UNC13B: variants seen among roughly 807,000 people sequenced by gnomAD.
UNC13B encodes the protein unc-13 homolog B, also known as protein unc-13 homolog B.
A neutral mutation model predicts 211.0 loss-of-function variants in UNC13B; 144 were observed. The ratio of observed to expected loss-of-function variants is 0.68; its 90% confidence interval spans 0.60 to 0.78. The LOEUF (loss-of-function observed/expected upper bound fraction) is 0.78. Ranked by LOEUF, UNC13B falls within the 30% of genes least tolerant of loss-of-function variation. UNC13B has a pLI of 0.00. For missense variants in UNC13B, 1,777 were observed against 2,002.0 expected, an observed-to-expected ratio of 0.89 and a Z score of 2.14; for synonymous variants, 709 against 725.8, an observed-to-expected ratio of 0.98 and a Z score of 0.37.
At position 35,243,310 on chromosome 9, in the gene UNC13B, C is replaced by T. The variant is rs1825908281; in HGVS notation, c.414C>T (p.Ala138=). Reference sequence around the variant, plus strand: ...TGGTAGATATCCCAGAGGAGGAAGCCAGATATTGGACCTACAAATGGGAGC... The same window carrying T: ...TGGTAGATATCCCAGAGGAGGAAGCTAGATATTGGACCTACAAATGGGAGC... ...ELPFDIPEEE[A]RYWTYKWEQI... is the part of the protein sequence containing the mutation. The change falls in exon 6 of 40, where the codon GCC becomes GCT. Residue 138 remains alanine, a synonymous_variant. Transcript: ENST00000635942. 1.2e-6 allele frequency: 2 copies of T among 1,613,266 alleles called. No homozygotes were observed. Among genetic ancestry groups the T allele is most frequent in the Non-Finnish European group, 1.7e-6 (2 of 1,179,548 alleles).
rs918453462 is a variant in UNC13B, at chr9:35,381,277, A to G, written c.10491+62A>G. ...AGTGCTGGGAGAGGCCTTTGGCCATAAGTAGGATTGCTAGGTGGTTGGAAT... is the reference window on the plus strand; with the variant it reads ...AGTGCTGGGAGAGGCCTTTGGCCATGAGTAGGATTGCTAGGTGGTTGGAAT... On this transcript the variant is annotated intron_variant, in intron 19 of 39. Transcript: ENST00000635942. The G allele has an allele frequency of 4.9e-6, 7 of 1,430,104 alleles. No homozygotes were observed. The Admixed American group carries it at 1.4e-4, about 29-fold the overall frequency. The allele number at this position is 1,430,104 out of a possible 1,614,324, so 88.6% of individuals were successfully genotyped here.
At chr9:35,178,174 G>A (rs1364198787) in intron 1 of UNC13B, among the ~76,000 whole-genome samples, 1 of 152,150 alleles carries the variant, frequency 6.6e-6, no homozygotes. Flanking sequence ...ACTATAAGAT[G>A]CCATAGATTG....
At chr9:35,178,484 A>C (rs1227701696) in intron 1 of UNC13B, among the ~76,000 whole-genome samples, 1 of 151,728 alleles carries the variant, frequency 6.6e-6, no homozygotes, top group Non-Finnish European at 1.5e-5. Flanking sequence ...GGACAGAGTG[A>C]GACCCTGTTT....
At chr9:35,281,717 C>T (rs111293555) in intron 7 of UNC13B, among the ~76,000 whole-genome samples, 10 of 152,258 alleles carry the variant, frequency 6.6e-5, no homozygotes, top group African/African-American at 1.2e-4. Context: ...AGAATAGTTA[C>T]GCTGCCCTAA....
At chr9:35,174,342 G>A (rs915503494) in intron 1 of UNC13B, among the ~76,000 whole-genome samples, 2 of 149,686 alleles carry the variant, frequency 1.3e-5, no homozygotes, top group Non-Finnish European at 3.0e-5. Flanking sequence ...TTTTTTTGTC[G>A]GGGGGCAGGG....
intron 3 of UNC13B, among the ~76,000 whole-genome samples, chr9:35,232,177 CTTTTTTTTTTT>C (rs547048403): frequency 3.2e-5 from 1 of 31,536 alleles, no homozygotes; most frequent in Non-Finnish European, 5.9e-5. Context: ...TATATTGCTG[CTTTTTTTTTTT>C]TTTTTTTTTT....
chr9:35,313,666 A>AAATC (rs66568847), intron 10 of UNC13B, among the ~76,000 whole-genome samples: 128 of 141,532 alleles, frequency 9.0e-4, no homozygotes, highest in African/African-American at 3.5e-3. Flanking sequence ...ATAAATAAAT[A>AAATC]AATAAATAAA....
At chr9:35,215,257 G>T (rs904577915) in intron 1 of UNC13B, among the ~76,000 whole-genome samples, 1 of 151,990 alleles carries the variant, frequency 6.6e-6, no homozygotes, top group African/African-American at 2.4e-5. Context: ...TAAAAAATTA[G>T]CTAGGTGTGG....
chr9:35,222,604 A>G (rs1047368838), intron 1 of UNC13B, among the ~76,000 whole-genome samples: 14 of 152,226 alleles, frequency 9.2e-5, no homozygotes, highest in Admixed American at 9.2e-4. Context: ...GTACGTATTT[A>G]TGAGGTACAT....
chr9:35,190,318 A>T (rs1392677251), intron 1 of UNC13B, among the ~76,000 whole-genome samples: 1 of 152,164 alleles, frequency 6.6e-6, no homozygotes, highest in Non-Finnish European at 1.5e-5. Context: ...TCTGACTCAA[A>T]TGTGCAGAGT....
Position 35,231,036 on chromosome 9 carries a change from A to G in UNC13B, c.53-84A>G, listed in dbSNP as rs561084335. ...CTGCACATGTAATACTTTAATTTCT[A>G]TATTGCTTAATTCCAAGGGCTTTGT... On this transcript the variant is annotated intron_variant, in intron 2 of 39. Transcript: ENST00000635942. The G allele has an allele frequency of 6.5e-5, 56 of 856,034 alleles. No homozygotes were observed. The Admixed American group carries it at 8.5e-4, about 13-fold the overall frequency. 53.0% of individuals were successfully genotyped at this position (856,034 alleles called of 1,614,324 possible). A position where few individuals can be genotyped will look rare whatever the true frequency, so the allele number is the denominator to read the frequency against.
chr9:35,290,949 G>C lies in UNC13B; in HGVS notation c.527-4747G>C, dbSNP rs377503018. On this transcript the variant is annotated intron_variant, in intron 7 of 39. Coordinates refer to ENST00000635942, the MANE Select transcript of UNC13B (RefSeq NM_001371189.2). ...GTTATGTAAAGTTAGTAGAATACAA[G>C]TGAGGTAGGCTTAAGTAAGGTAAGG... 95 of 918,472 alleles carry C rather than the reference G, an allele frequency of 1.0e-4. No homozygotes were observed. The South Asian group carries it at 1.4e-3, about 13-fold the overall frequency. The allele number at this position is 918,472 out of a possible 1,614,324, so 56.9% of individuals were successfully genotyped here.
At chr9:35,177,917 G>T (rs1220685385) in intron 1 of UNC13B, among the ~76,000 whole-genome samples, 1 of 152,174 alleles carries the variant, frequency 6.6e-6, no homozygotes, top group Non-Finnish European at 1.5e-5. Flanking sequence ...TTTCCATTAT[G>T]GTGTCACTCA....
chr9:35,311,793 C>T (rs1830191890), intron 10 of UNC13B, among the ~76,000 whole-genome samples: 1 of 152,132 alleles, frequency 6.6e-6, no homozygotes, highest in African/African-American at 2.4e-5. Flanking sequence ...CCTCAGCCTC[C>T]TCAGGGCCTA....
intron 11 of UNC13B, among the ~76,000 whole-genome samples, chr9:35,321,806 G>T (rs1830751334): frequency 6.6e-6 from 1 of 151,882 alleles, no homozygotes; most frequent in Non-Finnish European, 1.5e-5. Flanking sequence ...CGGCTTCAGG[G>T]GTATATATAT....
At chr9:35,360,370 T>A (rs905011418) in intron 11 of UNC13B, among the ~76,000 whole-genome samples, 1 of 152,256 alleles carries the variant, frequency 6.6e-6, no homozygotes, top group African/African-American at 2.4e-5. Context: ...ACCTCTCTGA[T>A]CTTCAATTTA....
intron 23 of UNC13B, 98 bp downstream of exon 23, chr9:35,385,911 A>T: frequency 6.7e-7 from 1 of 1,484,418 alleles, no homozygotes; most frequent in East Asian, 2.3e-5. Context: ...AGGCTACAGG[A>T]TTCATCACCT....
At position 35,295,826 on chromosome 9, in the gene UNC13B, G is replaced by T; in HGVS notation, c.657G>T (p.Pro219=). 2 of 1,614,056 alleles carry T rather than the reference G, an allele frequency of 1.2e-6. No homozygotes were observed. Among genetic ancestry groups the T allele is most frequent in the Non-Finnish European group, 1.7e-6 (2 of 1,180,006 alleles). Residue 219 remains proline (P), a synonymous_variant, in exon 8 of 40, where the codon CCG becomes CCT. Coordinates refer to ENST00000635942, the MANE Select transcript of UNC13B (RefSeq NM_001371189.2). ...PNASVHQFPV[P]VRSPQQLLLQ... is the part of the protein sequence containing the mutation. The stretch of plus-strand genomic sequence containing the variant: ...CTTCTGTGCACCAGTTCCCTGTGCC[G>T]GTGCGATCGCCACAGCAGCTGCTAC...
chr9:35,375,971 C>G, intron 14 of UNC13B, 57 bp from the exon 15 acceptor site: 3 of 1,571,820 alleles, frequency 1.9e-6, no homozygotes, highest in Non-Finnish European at 2.6e-6. Context: ...CAGAGCAAGA[C>G]TCTGTCTCAA....
Sources: gnomAD v4.1 joint callset for allele counts (sites outside exome capture counted in the v4.1 genomes callset) on GRCh38, gnomAD v4.1.1 for gene constraint, MANE v1.5 for transcripts, NCBI Gene and HGNC (gene_info 2026-07-23, HGNC 2026-07-21) for gene names.